The following SFMBT2 variants were observed in gnomAD, a reference collection of about 807,000 sequenced individuals.
SFMBT2 encodes Scm like with four mbt domains 2, also known as scm-like with four MBT domains protein 2.
A neutral mutation model predicts 110.1 loss-of-function variants in SFMBT2; 38 were observed. That is an observed-to-expected ratio of 0.35 (90% CI 0.27 to 0.45). The LOEUF (loss-of-function observed/expected upper bound fraction) is 0.45, where lower values mean the gene tolerates loss of function less well. Among genes scored for constraint, SFMBT2 ranks in the 20% least tolerant of loss-of-function variants. The pLI is 1.00. For synonymous variants in SFMBT2, 425 were observed against 425.4 expected (o/e 1.00, Z 0.01); for missense variants, 1,011 against 1,094.9 (o/e 0.92, Z 1.08).
chr10:7,332,088 G>A lies in SFMBT2; in HGVS notation c.436+35561C>T, dbSNP rs528077381. Among the ~76,000 whole-genome samples, 58 of 150,830 alleles carry A rather than the reference G, an allele frequency of 3.8e-4. 2 individuals carry two copies. In the Middle Eastern group the frequency reaches 0.028, roughly 73 times the overall value. On this transcript the variant is annotated intron_variant, in intron 4 of 20. Transcript: ENST00000397167. Reference sequence around the variant, plus strand: ...CCAGACCTACAGGTCATCTACCGCCGAAGTCATCTGCGGAGTGATGGTCAC... The same window carrying A: ...CCAGACCTACAGGTCATCTACCGCCAAAGTCATCTGCGGAGTGATGGTCAC...
intron 5 of SFMBT2, 180 bp downstream of exon 5, chr10:7,285,686 T>C: frequency 1.7e-6 from 1 of 591,604 alleles, no homozygotes; most frequent in Non-Finnish European, 3.1e-6. Context: ...GTTTCATCAA[T>C]GCCATTCAAA....
At chr10:7,202,892 T>A (rs2762602) in intron 12 of SFMBT2, 2 of 985,336 alleles carry the variant, frequency 2.0e-6, no homozygotes, top group African/African-American at 3.5e-5. Context: ...AAAATTGTGA[T>A]GAAGCAAATC....
At chr10:7,246,395 T>C (rs1258022143) in intron 8 of SFMBT2, among the ~76,000 whole-genome samples, 1 of 152,180 alleles carries the variant, frequency 6.6e-6, no homozygotes, top group Non-Finnish European at 1.5e-5. Flanking sequence ...ATTACAACTA[T>C]TTAAAGGCAT....
At chr10:7,235,030 A>G (rs1478666009) in intron 9 of SFMBT2, among the ~76,000 whole-genome samples, 1 of 152,234 alleles carries the variant, frequency 6.6e-6, no homozygotes, top group Non-Finnish European at 1.5e-5. Flanking sequence ...AGAAGAAAAA[A>G]GGAGATCATG....
intron 2 of SFMBT2, among the ~76,000 whole-genome samples, chr10:7,372,298 G>A (rs1845084992): frequency 6.6e-6 from 1 of 152,186 alleles, no homozygotes; most frequent in Non-Finnish European, 1.5e-5. Flanking sequence ...GAGGGAAGAG[G>A]ATCATTTTTG....
intron 7 of SFMBT2, 31 bp from the exon 8 acceptor site, chr10:7,248,680 C>T (rs753620104): frequency 3.1e-6 from 5 of 1,602,258 alleles, no homozygotes; most frequent in Non-Finnish European, 3.4e-6. Flanking sequence ...ATATTGAAAG[C>T]CACGGTATTG....
At position 7,198,245 on chromosome 10, in the gene SFMBT2, ATT is replaced by A. The variant is rs539079448; in HGVS notation, c.1559-560_1559-559del. The A allele has an allele frequency of 1.2e-4, 80 of 642,876 alleles. No individual in the cohort carries two copies. In the South Asian group the frequency reaches 2.0e-3, roughly 16 times the overall value. The allele number at this position is 642,876 out of a possible 1,614,324, so 39.8% of individuals were successfully genotyped here. A position where few individuals can be genotyped will look rare whatever the true frequency, so the allele number is the denominator to read the frequency against. ...AAATGCGGATCTAGAAAGTTCATTC[ATT>A]TTTTTACTTCTTTGACTCTATTGAA... On this transcript the variant is annotated intron_variant, in intron 14 of 20. Transcript: ENST00000397167.
chr10:7,228,284 G>T, intron 9 of SFMBT2: 1 of 433,252 alleles, frequency 2.3e-6, no homozygotes, highest in Non-Finnish European at 3.1e-6. Flanking sequence ...GATAGACAAT[G>T]ACATCTCCCT....
intron 11 of SFMBT2, among the ~76,000 whole-genome samples, chr10:7,208,720 T>C (rs1588340233): frequency 6.6e-6 from 1 of 152,066 alleles, no homozygotes; most frequent in Admixed American, 6.5e-5. Context: ...AAAGTAACTT[T>C]ATGGCTTATT....
At chr10:7,368,782 T>C (rs1844984566) in intron 3 of SFMBT2, among the ~76,000 whole-genome samples, 1 of 152,262 alleles carries the variant, frequency 6.6e-6, no homozygotes, top group South Asian at 2.1e-4. Context: ...AAGATATAAA[T>C]GTTACAATGG....
intron 4 of SFMBT2, among the ~76,000 whole-genome samples, chr10:7,330,950 A>C (rs536342384): frequency 3.3e-5 from 5 of 152,348 alleles, no homozygotes; most frequent in African/African-American, 9.6e-5. Context: ...GGTCATCTTC[A>C]AGCCCAGCTA....
chr10:7,180,533 G>C (rs866823514), intron 16 of SFMBT2, among the ~76,000 whole-genome samples: 2 of 152,118 alleles, frequency 1.3e-5, no homozygotes, highest in African/African-American at 2.4e-5. Flanking sequence ...AAGGTCACTG[G>C]GGCCCAACTC....
chr10:7,329,586 C>T (rs1843504245), intron 4 of SFMBT2: 2 of 799,412 alleles, frequency 2.5e-6, no homozygotes, highest in South Asian at 1.1e-4. Context: ...ACACCATTTG[C>T]TGATGCTCAC....
chr10:7,394,366 C>A (rs924394680), intron 1 of SFMBT2, among the ~76,000 whole-genome samples: 1 of 151,826 alleles, frequency 6.6e-6, no homozygotes, highest in Admixed American at 6.6e-5. Flanking sequence ...CCTTCTCCCG[C>A]GTCCCCATCT....
chr10:7,170,781 T>C lies in SFMBT2; in HGVS notation c.2544+147A>G. 1 of 895,180 alleles carries C rather than the reference T, an allele frequency of 1.1e-6. No homozygotes were observed. Among genetic ancestry groups the C allele is most frequent in the South Asian group, 1.6e-5 (1 of 63,060 alleles). 55.5% of individuals were successfully genotyped at this position (895,180 alleles called of 1,614,324 possible). A position where few individuals can be genotyped will look rare whatever the true frequency, so the allele number is the denominator to read the frequency against. On this transcript the variant is annotated intron_variant, in intron 20 of 20. Transcript: ENST00000397167. The surrounding 1 kb of genome is among the most constrained non-coding windows in gnomAD (Gnocchi z 4.6). ...TGCCAGGCAGCTCTCAGCAGGGGCC[T>C]TGGAGGGAGAAGGGTCTCGCACACC...
chr10:7,265,554 A>C (rs900679290), intron 7 of SFMBT2, among the ~76,000 whole-genome samples: 3 of 152,132 alleles, frequency 2.0e-5, no homozygotes, highest in Non-Finnish European at 2.9e-5. Flanking sequence ...GGGAGGCCAA[A>C]TACTCTTCTC....
intron 7 of SFMBT2, among the ~76,000 whole-genome samples, chr10:7,259,604 C>A (rs1279027207): frequency 6.6e-6 from 1 of 152,226 alleles, no homozygotes; most frequent in African/African-American, 2.4e-5. Flanking sequence ...AGGGCACATG[C>A]CCCTGGCCCC....
At chr10:7,350,709 C>T (rs1844285642) in intron 4 of SFMBT2, among the ~76,000 whole-genome samples, 1 of 152,170 alleles carries the variant, frequency 6.6e-6, no homozygotes, top group African/African-American at 2.4e-5. Flanking sequence ...TCTACCATAG[C>T]CATAATAATA....
At chr10:7,179,157 T>G (rs528471990) in intron 16 of SFMBT2, among the ~76,000 whole-genome samples, 1 of 152,216 alleles carries the variant, frequency 6.6e-6, no homozygotes, top group Admixed American at 6.5e-5. Flanking sequence ...CCTGGGTGTT[T>G]GTTTTTCTTC....
Sources: allele counts gnomAD v4.1 joint callset (sites outside exome capture counted in the v4.1 genomes callset), GRCh38; gene constraint gnomAD v4.1.1; non-coding constraint Gnocchi (gnomAD v3.1); transcripts MANE v1.5; gene names NCBI Gene and HGNC (gene_info 2026-07-23, HGNC 2026-07-21).